Variants in ANKRD42 observed in about 807,000 individuals in gnomAD.
The protein encoded by ANKRD42 is ankyrin repeat domain 42.
A neutral mutation model predicts 51.5 loss-of-function variants in ANKRD42; 43 were observed. The ratio of observed to expected loss-of-function variants is 0.83; its 90% CI spans 0.65 to 1.08. The LOEUF is 1.08. ANKRD42 is among the 50% of genes least tolerant of loss of function. The pLI is 0.00. For missense variants in ANKRD42, 608 were observed against 629.3 expected (o/e 0.97, Z 0.36); for synonymous variants, 203 against 213.0 (o/e 0.95, Z 0.41).
At chr11:83,218,331 G>A (rs1400736623) in intron 5 of ANKRD42, among the ~76,000 whole-genome samples, 2 of 152,098 alleles carry the variant, frequency 1.3e-5, no homozygotes, top group Non-Finnish European at 2.9e-5. Context: ...GCCCTGTGGG[G>A]AATTTTTCCT....
At chr11:83,263,873 C>G (rs538875205), downstream of ANKRD42, among the ~76,000 whole-genome samples, 1 of 152,170 alleles carries the variant, frequency 6.6e-6, no homozygotes, top group Non-Finnish European at 1.5e-5. Flanking sequence ...GCCCCATCCA[C>G]GGTTCAGCTG....
At chr11:83,205,522 T>G (rs1483211915) in intron 2 of ANKRD42, among the ~76,000 whole-genome samples, 1 of 152,236 alleles carries the variant, frequency 6.6e-6, no homozygotes, top group East Asian at 1.9e-4. Context: ...TACTGTATTA[T>G]ATTGAGATTT....
At chr11:83,216,403 A>G (rs1251716752) in intron 5 of ANKRD42, among the ~76,000 whole-genome samples, 2 of 150,886 alleles carry the variant, frequency 1.3e-5, no homozygotes, top group African/African-American at 4.9e-5. Context: ...GGCTCACTGC[A>G]GGCTCCACCC....
Position 83,246,030 on chromosome 11 carries a change from G to C in ANKRD42, c.1322+406G>C, listed in dbSNP as rs1248597923. Among the ~76,000 whole-genome samples the C allele has an allele frequency of 2.0e-5, 3 of 152,270 alleles. No individual in the cohort carries two copies. In the East Asian group the frequency reaches 5.8e-4, roughly 29 times the overall value. On this transcript the variant is annotated intron_variant, in intron 10 of 10. Coordinates refer to ENST00000533342, the MANE Select transcript of ANKRD42 (RefSeq NM_001300975.2). ...CCAACAGAGAATGCTCTTGCATCTA[G>C]AGGCAGTGAGCAAGTGCATGGTTGT... is the stretch of plus-strand genomic sequence containing the variant.
At chr11:83,216,549 C>T (rs1862541966) in intron 5 of ANKRD42, among the ~76,000 whole-genome samples, 1 of 152,122 alleles carries the variant, frequency 6.6e-6, no homozygotes, top group Admixed American at 6.5e-5. Context: ...TGGTCTCGAT[C>T]TCCTGACCTC....
downstream of ANKRD42, among the ~76,000 whole-genome samples, chr11:83,258,587 C>A (rs991443348): frequency 1.3e-5 from 2 of 152,054 alleles, no homozygotes; most frequent in African/African-American, 2.4e-5. Flanking sequence ...ATACCATCTA[C>A]CTAAGAGGAG....
intron 9 of ANKRD42, among the ~76,000 whole-genome samples, chr11:83,241,583 G>A (rs567036390): frequency 6.6e-6 from 1 of 152,274 alleles, no homozygotes; most frequent in African/African-American, 2.4e-5. Flanking sequence ...AGAATGGTCA[G>A]TGTGGCTTGA....
At chr11:83,238,579 C>G (rs1256019939) in intron 8 of ANKRD42, among the ~76,000 whole-genome samples, 1 of 152,090 alleles carries the variant, frequency 6.6e-6, no homozygotes, top group Non-Finnish European at 1.5e-5. Flanking sequence ...GCCTGTAATC[C>G]CAGCACTTTG....
intron 11 of ANKRD42, chr11:83,255,694 A>G (rs1485905618): frequency 3.4e-6 from 2 of 582,432 alleles, no homozygotes; most frequent in Non-Finnish European, 5.9e-6. Context: ...ACATTTGGGA[A>G]TTTATTCACA....
chr11:83,225,774 C>A (rs1368475317), intron 6 of ANKRD42, among the ~76,000 whole-genome samples: 1 of 123,686 alleles, frequency 8.1e-6, no homozygotes, highest in Non-Finnish European at 1.7e-5. Context: ...GAGCGAAACT[C>A]CATCCTGGAA....
chr11:83,219,007 T>G (rs908810223), intron 5 of ANKRD42, among the ~76,000 whole-genome samples: 3 of 152,202 alleles, frequency 2.0e-5, no homozygotes, highest in Non-Finnish European at 4.4e-5. Context: ...ATTAGCCGCT[T>G]CTTTTTTAAG....
chr11:83,263,256 T>A (rs529410366), downstream of ANKRD42, among the ~76,000 whole-genome samples: 4 of 152,350 alleles, frequency 2.6e-5, no homozygotes, highest in Non-Finnish European at 5.9e-5. Context: ...GATAACCAAA[T>A]GAACACTTAT....
chr11:83,248,967 T>G lies in ANKRD42; in HGVS notation c.*763T>G, dbSNP rs1296454312. On this transcript the variant is annotated 3_prime_UTR_variant, in exon 11 of 11. Transcript: ENST00000533342. Reference sequence around the variant, plus strand: ...TTCCAAGAAATATAATTAACTATAATAATTAATCTATTCTCTTCATTTTGC... The same window carrying G: ...TTCCAAGAAATATAATTAACTATAAGAATTAATCTATTCTCTTCATTTTGC... 1 of 983,558 alleles carries G rather than the reference T, an allele frequency of 1.0e-6. No individual in the cohort carries two copies. The highest frequency in any genetic ancestry group is 1.7e-5 in the African/African-American group (1 of 57,220). 60.9% of individuals were successfully genotyped at this position (983,558 alleles called of 1,614,324 possible).
rs1188002554 is a variant in ANKRD42 at position 83,255,871 on chromosome 11, CAA to C, written c.1493_1494del (p.Lys498ArgfsTer30). On this transcript the variant is annotated frameshift_variant, in exon 12 of 12. Coordinates refer to the ANKRD42 transcript ENST00000260047. LOFTEE classifies it high-confidence loss of function. ...AAGACAGCGCTTCTTGTGAGTCAAA[CAA>C]AGAGAAGAGGCGAGTAAAAAAAAAG... is the stretch of plus-strand genomic sequence containing the variant. 2.0e-6 allele frequency: 3 copies of C among 1,532,616 alleles called. No individual in the cohort carries two copies. The highest frequency in any genetic ancestry group is 1.7e-6 in the Non-Finnish European group (2 of 1,145,726). 94.9% of individuals were successfully genotyped at this position (1,532,616 alleles called of 1,614,324 possible).
chr11:83,255,754 AT>A (rs913941012), intron 11 of ANKRD42: 156 of 923,764 alleles, frequency 1.7e-4, no homozygotes, highest in African/African-American at 5.7e-4. Flanking sequence ...AGCATGGTTA[AT>A]TTTTTTTTCT....
downstream of ANKRD42, among the ~76,000 whole-genome samples, chr11:83,263,256 T>G (rs529410366): frequency 6.6e-6 from 1 of 152,232 alleles, no homozygotes; most frequent in East Asian, 1.9e-4. Context: ...GATAACCAAA[T>G]GAACACTTAT....
chr11:83,196,769 G>C (rs1861674659), intron 1 of ANKRD42, among the ~76,000 whole-genome samples: 1 of 152,204 alleles, frequency 6.6e-6, no homozygotes, highest in Admixed American at 6.5e-5. Flanking sequence ...GAGTGGATGA[G>C]TGAATAAATC....
At chr11:83,212,566 C>G (rs1862364465) in intron 5 of ANKRD42, 2 of 1,118,452 alleles carry the variant, frequency 1.8e-6, no homozygotes, top group African/African-American at 3.1e-5. Flanking sequence ...GAAAATGATA[C>G]TTAAATGATA....
intron 9 of ANKRD42, 104 bp from the exon 10 acceptor site, chr11:83,245,392 TAC>T: frequency 1.6e-6 from 2 of 1,253,276 alleles, no homozygotes; most frequent in Non-Finnish European, 2.2e-6. Flanking sequence ...CTCCAAACCA[TAC>T]AGACACTAGT....
Sources: gnomAD v4.1 joint callset for allele counts (sites outside exome capture counted in the v4.1 genomes callset) on GRCh38, gnomAD v4.1.1 for gene constraint, MANE v1.5 for transcripts, NCBI Gene and HGNC (gene_info 2026-07-23, HGNC 2026-07-21) for gene names.